The following NBAS variants were observed in gnomAD, a reference collection of about 807,000 sequenced individuals.
NBAS encodes NBAS subunit of NRZ tethering complex, also known as NAG/BC035112 fusion.
In NBAS, 219 loss-of-function variants were observed where a neutral mutation model predicts 302.5. The observed-to-expected ratio is 0.72, with a 90% CI of 0.65 to 0.81. The LOEUF is 0.81. Ranked by LOEUF, NBAS falls within the 30% of genes least tolerant of loss-of-function variation. NBAS has a pLI of 0.00. For synonymous variants in NBAS, 1,118 were observed against 1,021.6 expected (o/e 1.09, Z -1.80); for missense variants, 2,932 against 2,841.6 (o/e 1.03, Z -0.72).
At chr2:15,508,925 C>A (rs1662005024) in intron 10 of NBAS, among the ~76,000 whole-genome samples, 1 of 152,108 alleles carries the variant, frequency 6.6e-6, no homozygotes, top group Admixed American at 6.6e-5. Flanking sequence ...ATCGCTTGAA[C>A]CCGGGAGACG....
chr2:15,061,355 A>G, the NBAS span, among the ~76,000 whole-genome samples: 1 of 152,232 alleles, frequency 6.6e-6, no homozygotes, highest in Non-Finnish European at 1.5e-5. Context: ...GGCAAGCTGC[A>G]TAATAACTAA....
chr2:14,977,439 A>G, the NBAS span, among the ~76,000 whole-genome samples: 1 of 152,266 alleles, frequency 6.6e-6, no homozygotes, highest in Non-Finnish European at 1.5e-5. Flanking sequence ...TCATTTAAGA[A>G]TCAAGGCACA....
At chr2:15,469,825 C>T (rs192157720) in intron 16 of NBAS, among the ~76,000 whole-genome samples, 1,023 of 89,614 alleles carry the variant, frequency 0.011, 16 homozygotes, top group East Asian at 0.076. Flanking sequence ...CATCACACAC[C>T]GGGGCCTGCT....
At chr2:14,962,534 AG>A in the NBAS span, among the ~76,000 whole-genome samples, 19 of 152,202 alleles carry the variant, frequency 1.2e-4, no homozygotes, top group African/African-American at 4.6e-4. Flanking sequence ...GCTGTCATGG[AG>A]GGATAGATTC....
At chr2:15,476,067 T>A (rs1169748723) in intron 13 of NBAS, among the ~76,000 whole-genome samples, 187 bp from the exon 14 acceptor site, 3 of 152,304 alleles carry the variant, frequency 2.0e-5, no homozygotes, top group Non-Finnish European at 4.4e-5. Flanking sequence ...AGGTATAAAA[T>A]GTTAATTCCC....
At chr2:15,363,071 C>CA (rs533779593) in intron 32 of NBAS, among the ~76,000 whole-genome samples, 2 of 152,042 alleles carry the variant, frequency 1.3e-5, no homozygotes, top group Admixed American at 1.3e-4. Context: ...AACAAAAACC[C>CA]AAAAAACAGT....
In NBAS at chr2:15,520,397, C is replaced by A. The variant is rs1429382532; in HGVS notation, c.747-9047G>T. ...CTCAAATATGAAAGACAGAGCAAGACCCTGTCTCGAAGAAAAGAACTACGA... is the reference window on the plus strand; with the variant it reads ...CTCAAATATGAAAGACAGAGCAAGAACCTGTCTCGAAGAAAAGAACTACGA... On this transcript the variant is annotated intron_variant, in intron 9 of 51. Transcript: ENST00000281513. Among the ~76,000 whole-genome samples the A allele has an allele frequency of 2.0e-5, 3 of 152,076 alleles. No homozygotes were observed. In the East Asian group the frequency reaches 5.8e-4, roughly 29 times the overall value.
chr2:15,417,271 A>C (rs1265173271), intron 24 of NBAS, among the ~76,000 whole-genome samples: 1 of 152,170 alleles, frequency 6.6e-6, no homozygotes, highest in East Asian at 1.9e-4. Flanking sequence ...GTTTAGAAAA[A>C]CACCTAACTA....
intron 34 of NBAS, among the ~76,000 whole-genome samples, chr2:15,352,578 G>GC (rs1673416285): frequency 6.6e-6 from 1 of 152,152 alleles, no homozygotes; most frequent in Non-Finnish European, 1.5e-5. Context: ...AGGTTCTTGT[G>GC]CCCCTTCTCT....
At chr2:15,050,370 C>T in the NBAS span, among the ~76,000 whole-genome samples, 2 of 151,662 alleles carry the variant, frequency 1.3e-5, no homozygotes, top group South Asian at 2.1e-4. Flanking sequence ...TTATCCAAAA[C>T]CCTTGTGGCT....
At chr2:15,185,420 T>C (rs952680812) in intron 50 of NBAS, among the ~76,000 whole-genome samples, 1 of 152,242 alleles carries the variant, frequency 6.6e-6, no homozygotes, top group African/African-American at 2.4e-5. Flanking sequence ...GATCTAATAA[T>C]GCTTGATCTT....
the NBAS span, among the ~76,000 whole-genome samples, chr2:14,931,427 C>A: frequency 1.3e-5 from 2 of 152,110 alleles, no homozygotes; most frequent in African/African-American, 4.8e-5. Context: ...ATGACAAACC[C>A]GTAGGCCTAA....
At chr2:15,186,907 G>C in intron 49 of NBAS, 27 bp from the exon 50 acceptor site, 1 of 1,613,646 alleles carries the variant, frequency 6.2e-7, no homozygotes, top group East Asian at 2.2e-5. Flanking sequence ...AAAATACAAG[G>C]CACTGGAAAT....
the NBAS span, among the ~76,000 whole-genome samples, chr2:15,143,952 C>T: frequency 6.0e-5 from 9 of 150,628 alleles, no homozygotes; most frequent in Non-Finnish European, 1.0e-4. Context: ...GGAACTCGGA[C>T]GGGCTCTCCT....
rs1246463724 is a variant in NBAS, at chr2:15,475,942, T to C, written c.1148-62A>G. The C allele has an allele frequency of 3.0e-5, 39 of 1,303,168 alleles. No individual in the cohort carries two copies. The South Asian group carries it at 3.5e-4, about 12-fold the overall frequency. The allele number at this position is 1,303,168 out of a possible 1,614,324, so 80.7% of individuals were successfully genotyped here. On this transcript the variant is annotated intron_variant, in intron 13 of 51. Coordinates refer to ENST00000281513, the MANE Select transcript of NBAS (RefSeq NM_015909.4). ...GCTAATGTGGTTTAAATTCAAAATA[T>C]TTAGTATAATAATCAATTTTAAAAC...
chr2:15,159,241 T>A, the NBAS span, among the ~76,000 whole-genome samples: 1 of 152,170 alleles, frequency 6.6e-6, no homozygotes, highest in African/African-American at 2.4e-5. Flanking sequence ...CGTTCACCAG[T>A]TCAGATGTCT....
chr2:15,480,680 TAC>T (rs1222113779), intron 12 of NBAS, among the ~76,000 whole-genome samples: 5 of 152,064 alleles, frequency 3.3e-5, no homozygotes, highest in African/African-American at 9.6e-5. Flanking sequence ...TGAACAAAAA[TAC>T]AGAGTCAGGA....
At chr2:15,455,783 A>C (rs1480389685) in intron 21 of NBAS, among the ~76,000 whole-genome samples, 1 of 138,530 alleles carries the variant, frequency 7.2e-6, no homozygotes, top group Non-Finnish European at 1.6e-5. Context: ...TCTTGCTCCT[A>C]CGCTACACTA....
At chr2:15,306,763 CTTTTT>C (rs201533077) in intron 40 of NBAS, among the ~76,000 whole-genome samples, 10 of 132,554 alleles carry the variant, frequency 7.5e-5, no homozygotes, top group Non-Finnish European at 9.8e-5. Flanking sequence ...TTGTGGAAAT[CTTTTT>C]TTTTTTTTTT....
Sources: gnomAD v4.1 joint callset for allele counts (sites outside exome capture counted in the v4.1 genomes callset) on GRCh38, gnomAD v4.1.1 for gene constraint, MANE v1.5 for transcripts, NCBI Gene and HGNC (gene_info 2026-07-23, HGNC 2026-07-21) for gene names.